Variants in SPAG1 observed in about 807,000 individuals in gnomAD.
The protein encoded by SPAG1 is sperm associated antigen 1.
A neutral mutation model predicts 100.5 loss-of-function variants in SPAG1; 69 were observed. The observed-to-expected ratio is 0.69, with a 90% CI of 0.57 to 0.84. SPAG1 has a LOEUF of 0.84. Ranked by LOEUF, SPAG1 falls within the 40% of genes least tolerant of loss-of-function variation. The pLI is 0.00. For missense variants in SPAG1, 955 were observed against 1,133.1 expected, an observed-to-expected ratio of 0.84 and a Z score of 2.26; for synonymous variants, 336 against 411.6, an observed-to-expected ratio of 0.82 and a Z score of 2.22.
chr8:100,231,784 C>T (rs1409914943), intron 15 of SPAG1, among the ~76,000 whole-genome samples: 2 of 152,072 alleles, frequency 1.3e-5, no homozygotes, highest in Non-Finnish European at 2.9e-5. Flanking sequence ...ACGGTGAAAC[C>T]CCGTCTCTAC....
At chr8:100,228,826 T>G (rs1423308687) in intron 14 of SPAG1, among the ~76,000 whole-genome samples, 1 of 152,174 alleles carries the variant, frequency 6.6e-6, no homozygotes, top group African/African-American at 2.4e-5. Flanking sequence ...ATATATCAAA[T>G]TATTCCATAG....
At chr8:100,231,358 T>A in intron 15 of SPAG1, 70 bp downstream of exon 15, 1 of 1,123,082 alleles carries the variant, frequency 8.9e-7, no homozygotes, top group South Asian at 1.9e-5. Flanking sequence ...TTTAAGTTAT[T>A]TTATTAACAC....
At chr8:100,173,593 A>G (rs907988723) in intron 3 of SPAG1, among the ~76,000 whole-genome samples, 1 of 152,192 alleles carries the variant, frequency 6.6e-6, no homozygotes, top group Non-Finnish European at 1.5e-5. Context: ...TTCACAGATA[A>G]TAAATCTCTT....
At chr8:100,214,266 A>G (rs1437469256) in intron 12 of SPAG1, among the ~76,000 whole-genome samples, 1 of 152,176 alleles carries the variant, frequency 6.6e-6, no homozygotes, top group African/African-American at 2.4e-5. Context: ...CAGGCCTTTA[A>G]TGGCTCAGTA....
chr8:100,192,658 A>G (rs1816864174), intron 9 of SPAG1, among the ~76,000 whole-genome samples: 1 of 152,220 alleles, frequency 6.6e-6, no homozygotes, highest in South Asian at 2.1e-4. Context: ...CTAGAATATC[A>G]GCTGCTTTGT....
intron 13 of SPAG1, among the ~76,000 whole-genome samples, chr8:100,221,185 T>A (rs755360963): frequency 7.2e-5 from 11 of 152,212 alleles, no homozygotes; most frequent in Non-Finnish European, 1.3e-4. Context: ...GATTTGCAGG[T>A]GTTCATTGGC....
chr8:100,190,649 T>C (rs1021026690), intron 8 of SPAG1, among the ~76,000 whole-genome samples: 19 of 148,918 alleles, frequency 1.3e-4, no homozygotes, highest in African/African-American at 4.4e-4. Flanking sequence ...TGGTCAGTAA[T>C]ATACTTTTTT....
chr8:100,218,154 G>A (rs1214531620), intron 12 of SPAG1, among the ~76,000 whole-genome samples: 8 of 152,032 alleles, frequency 5.3e-5, no homozygotes, highest in Admixed American at 2.6e-4. Flanking sequence ...ATTTTTTAGG[G>A]TCTTAACTGT....
chr8:100,162,012 GC>G, intron 1 of SPAG1, among the ~76,000 whole-genome samples: 1 of 152,106 alleles, frequency 6.6e-6, no homozygotes, highest in Non-Finnish European at 1.5e-5. Flanking sequence ...AAACTAGCAG[GC>G]CAACCCTCAG....
chr8:100,224,808 C>T (rs946563877), intron 13 of SPAG1, among the ~76,000 whole-genome samples: 1 of 152,102 alleles, frequency 6.6e-6, no homozygotes, highest in Non-Finnish European at 1.5e-5. Flanking sequence ...AATACATTAT[C>T]AATTTAGTAA....
At chr8:100,231,791 C>T (rs968234544) in intron 15 of SPAG1, among the ~76,000 whole-genome samples, 13 of 152,188 alleles carry the variant, frequency 8.5e-5, no homozygotes, top group Non-Finnish European at 1.6e-4. Context: ...AACCCCGTCT[C>T]TACTAAAAAT....
At chr8:100,178,020 T>C in intron 4 of SPAG1, 79 bp downstream of exon 4, 1 of 1,226,220 alleles carries the variant, frequency 8.2e-7, no homozygotes, top group Non-Finnish European at 1.2e-6. Flanking sequence ...TCAGTTTAAT[T>C]GGAGCAGCCT....
chr8:100,208,461 G>T (rs1563796846), intron 10 of SPAG1, among the ~76,000 whole-genome samples: 1 of 152,170 alleles, frequency 6.6e-6, no homozygotes, highest in African/African-American at 2.4e-5. Context: ...CTTCAGGAAT[G>T]AAAGTTTGGA....
At chr8:100,175,324 G>A (rs527434100) in intron 3 of SPAG1, among the ~76,000 whole-genome samples, 6 of 142,736 alleles carry the variant, frequency 4.2e-5, no homozygotes, top group South Asian at 4.5e-4. Flanking sequence ...TTGGTCTGTC[G>A]CCCAGCCTGG....
chr8:100,198,614 A>G (rs993607749), intron 10 of SPAG1, among the ~76,000 whole-genome samples: 1 of 152,260 alleles, frequency 6.6e-6, no homozygotes, highest in Non-Finnish European at 1.5e-5. Flanking sequence ...AAAGTGAGGT[A>G]AGATAAGCAT....
intron 15 of SPAG1, chr8:100,233,205 G>A: frequency 2.0e-6 from 1 of 503,644 alleles, no homozygotes; most frequent in Non-Finnish European, 3.6e-6. Context: ...CCACTTGATT[G>A]CATCCTCCTT....
intron 3 of SPAG1, among the ~76,000 whole-genome samples, chr8:100,176,312 G>A (rs945904055): frequency 6.7e-6 from 1 of 149,714 alleles, no homozygotes; most frequent in Non-Finnish European, 1.5e-5. Flanking sequence ...TAATGACTTT[G>A]CTTTTTCTGG....
At chr8:100,209,044 C>A (rs894370230) in intron 10 of SPAG1, among the ~76,000 whole-genome samples, 20 of 151,910 alleles carry the variant, frequency 1.3e-4, no homozygotes, top group Non-Finnish European at 1.9e-4. Flanking sequence ...GCAGATCCAC[C>A]CTTAATCTGG....
Position 100,229,174 on chromosome 8 carries a change from G to A in SPAG1, c.1856-1982G>A, listed in dbSNP as rs530535688. ...TGTAATCACAGCACTTTGGGAGGCC[G>A]AGGCAGCACTTTGGGATCCTCGAGG... is the stretch of plus-strand genomic sequence containing the variant. On this transcript the variant is annotated intron_variant, in intron 14 of 18. Transcript: ENST00000388798. Among the ~76,000 whole-genome samples, 323 of 152,286 alleles carry A rather than the reference G, an allele frequency of 2.1e-3. 2 individuals are homozygous for A. Among genetic ancestry groups the A allele is most frequent in the African/African-American group, 7.5e-3 (312 of 41,556 alleles).
Sources: allele counts gnomAD v4.1 joint callset (sites outside exome capture counted in the v4.1 genomes callset), GRCh38; gene constraint gnomAD v4.1.1; transcripts MANE v1.5; gene names NCBI Gene and HGNC (gene_info 2026-07-23, HGNC 2026-07-21).